PHLDB2: variants seen among roughly 807,000 people sequenced by gnomAD.
The protein encoded by PHLDB2 is pleckstrin homology like domain family B member 2.
In PHLDB2, 71 loss-of-function variants were observed where a neutral mutation model predicts 123.6. That is an observed-to-expected ratio of 0.57 (90% CI 0.47 to 0.70). PHLDB2 has a LOEUF of 0.70. Ranked by LOEUF, PHLDB2 falls within the 30% of genes least tolerant of loss-of-function variation. The pLI, the probability that PHLDB2 is intolerant of heterozygous loss-of-function variation, is 0.00. For synonymous variants in PHLDB2, 547 were observed against 541.6 expected (o/e 1.01, Z -0.14); for missense variants, 1,446 against 1,519.5 (o/e 0.95, Z 0.80).
intron 2 of PHLDB2, among the ~76,000 whole-genome samples, chr3:111,903,462 G>A (rs2067316958): frequency 6.6e-6 from 1 of 152,200 alleles, no homozygotes; most frequent in Admixed American, 6.5e-5. Flanking sequence ...CCACAGGGCA[G>A]GGAGTTGGTG....
Position 111,752,702 on chromosome 3 carries a change from G to C in PHLDB2, c.-49+19999G>C, listed in dbSNP as rs113871635. 9.6e-3 allele frequency among the ~76,000 whole-genome samples: 1,459 copies of C among 151,420 alleles called. 15 individuals are homozygous for C. Among genetic ancestry groups the C allele is most frequent in the African/African-American group, 0.032 (1,336 of 41,224 alleles). On this transcript the variant is annotated intron_variant, in intron 1 of 17. Coordinates refer to the PHLDB2 transcript ENST00000393923. Reference sequence around the variant, plus strand: ...TAGGGTACATGTGCACAATGTGCAGGTTAGTTACATATGTATACATGCGCC... The same window carrying C: ...TAGGGTACATGTGCACAATGTGCAGCTTAGTTACATATGTATACATGCGCC...
intron 2 of PHLDB2, among the ~76,000 whole-genome samples, chr3:111,892,546 G>A (rs988247524): frequency 6.6e-6 from 1 of 152,124 alleles, no homozygotes; most frequent in East Asian, 1.9e-4. Flanking sequence ...CAGATGATAA[G>A]CATTTAGTTC....
intron 12 of PHLDB2, among the ~76,000 whole-genome samples, chr3:111,960,790 G>A (rs1261273305): frequency 1.3e-5 from 2 of 152,168 alleles, no homozygotes; most frequent in African/African-American, 4.8e-5. Flanking sequence ...GAAACTATTC[G>A]AGTAGACATT....
At chr3:111,772,580 T>C (rs1388378136) in intron 1 of PHLDB2, among the ~76,000 whole-genome samples, 1 of 152,238 alleles carries the variant, frequency 6.6e-6, no homozygotes, top group Non-Finnish European at 1.5e-5. Context: ...CTGGCTAGAT[T>C]CTGGGAATAA....
chr3:111,830,662 A>G (rs1433991536), intron 1 of PHLDB2, among the ~76,000 whole-genome samples: 1 of 148,116 alleles, frequency 6.8e-6, no homozygotes, highest in African/African-American at 2.5e-5. Flanking sequence ...ACAAAAAATT[A>G]GCCGGGCGTA....
At chr3:111,772,845 T>G (rs535117376) in intron 1 of PHLDB2, among the ~76,000 whole-genome samples, 3 of 152,166 alleles carry the variant, frequency 2.0e-5, no homozygotes, top group Non-Finnish European at 4.4e-5. Flanking sequence ...ACACTTTTTT[T>G]AACAGGCCCC....
At chr3:111,872,926 T>C (rs905988660) in intron 1 of PHLDB2, among the ~76,000 whole-genome samples, 2 of 152,238 alleles carry the variant, frequency 1.3e-5, no homozygotes, top group Non-Finnish European at 2.9e-5. Flanking sequence ...TCCATATTTG[T>C]ACCTGATGGT....
intron 2 of PHLDB2, among the ~76,000 whole-genome samples, chr3:111,889,214 A>G (rs1404025910): frequency 2.0e-5 from 3 of 152,218 alleles, no homozygotes; most frequent in African/African-American, 7.2e-5. Flanking sequence ...AAAAAATGAG[A>G]TTATACTTGT....
Position 111,945,316 on chromosome 3 carries a change from G to T in PHLDB2, c.2446G>T (p.Gly816Trp), listed in dbSNP as rs144826196. ...GGAAAAGAAATACTCCAGCCTCTCT[G>T]GGGGGAAAGGGTTTCCCGTTAACCC... ...NLEKKYSSLS[G>W]GKGFPVNPNT... Residue 816 changes from glycine to tryptophan, a missense_variant, in exon 9 of 18, where the codon GGG (glycine) becomes TGG (tryptophan). Coordinates refer to ENST00000431670, the MANE Select transcript of PHLDB2 (RefSeq NM_001134438.2). 226 of 1,610,152 alleles carry T rather than the reference G, an allele frequency of 1.4e-4. No homozygotes were observed. The African/African-American group carries it at 2.8e-3, about 20-fold the overall frequency.
chr3:111,811,989 G>A (rs1479937947), intron 1 of PHLDB2, among the ~76,000 whole-genome samples: 1 of 152,142 alleles, frequency 6.6e-6, no homozygotes, highest in African/African-American at 2.4e-5. Flanking sequence ...TGCTTGGAAT[G>A]TTCCTTCATC....
In PHLDB2 at chr3:111,889,190, A is replaced by C. The variant is rs754027099; in HGVS notation, c.1335+3778A>C. ...TAAACTAATCTCTTCATCATAAAAC[A>C]TTCAAGTTTTTTTAAAAAATGAGAT... On this transcript the variant is annotated intron_variant, in intron 2 of 17. Transcript: ENST00000431670. Among the ~76,000 whole-genome samples the C allele has an allele frequency of 6.8e-4, 104 of 152,200 alleles. 3 individuals are homozygous for C. The highest frequency in any genetic ancestry group is 1.6e-4 in the Non-Finnish European group (11 of 68,032).
intron 1 of PHLDB2, among the ~76,000 whole-genome samples, chr3:111,864,908 T>C (rs2064995145): frequency 6.6e-6 from 1 of 152,252 alleles, no homozygotes; most frequent in Non-Finnish European, 1.5e-5. Context: ...CATCTTAGAA[T>C]GTTTTGTTTG....
Position 111,976,039 on chromosome 3 carries a change from G to C in PHLDB2, c.*1476G>C, listed in dbSNP as rs928146474. ...ATTGTGGAAGATATTTTTAAAATCT[G>C]ATTTTGCAGCGATCACTTTTAAACC... On this transcript the variant is annotated 3_prime_UTR_variant, in exon 18 of 18. Coordinates refer to ENST00000431670, the MANE Select transcript of PHLDB2 (RefSeq NM_001134438.2). 2 of 152,630 alleles carry C rather than the reference G, an allele frequency of 1.3e-5. No individual in the cohort carries two copies. The allele number at this position is 152,630 out of a possible 1,614,324, so 9.5% of individuals were successfully genotyped here.
intron 1 of PHLDB2, among the ~76,000 whole-genome samples, chr3:111,874,657 CAT>C (rs2108727745): frequency 6.6e-6 from 1 of 152,252 alleles, no homozygotes; most frequent in South Asian, 2.1e-4. Flanking sequence ...TACTTTCTCT[CAT>C]ATTTCATTGA....
At chr3:111,866,143 C>T (rs55954252) in intron 1 of PHLDB2, among the ~76,000 whole-genome samples, 15,830 of 150,500 alleles carry the variant, frequency 0.11, 1,038 homozygotes, top group Non-Finnish European at 0.14. Context: ...CTCAGCCTCC[C>T]GAGTAGCTGG....
In PHLDB2 at chr3:111,826,676, G is replaced by C. The variant is rs150525852; in HGVS notation, c.-48-19145G>C. Among the ~76,000 whole-genome samples the C allele has an allele frequency of 3.5e-3, 530 of 152,246 alleles. 3 individuals carry two copies. The highest frequency in any genetic ancestry group is 0.012 in the African/African-American group (499 of 41,542). Reference sequence around the variant, plus strand: ...ATCCTTAATACCCAACAGTAATGCCGCAGTTTTGCTCCACGGCCAGGGTAG... The same window carrying C: ...ATCCTTAATACCCAACAGTAATGCCCCAGTTTTGCTCCACGGCCAGGGTAG... On this transcript the variant is annotated intron_variant, in intron 1 of 17. Coordinates refer to the PHLDB2 transcript ENST00000393923.
At chr3:111,881,006 T>G (rs2065903382) in intron 1 of PHLDB2, among the ~76,000 whole-genome samples, 1 of 152,228 alleles carries the variant, frequency 6.6e-6, no homozygotes, top group South Asian at 2.1e-4. Flanking sequence ...TGTAATGATT[T>G]TGCCTTTTCT....
At chr3:111,885,918 A>G (rs2066136974) in intron 2 of PHLDB2, 3 of 349,174 alleles carry the variant, frequency 8.6e-6, no homozygotes, top group Admixed American at 8.9e-5. Flanking sequence ...CACTGTTCAT[A>G]CACAACCTTA....
chr3:111,954,666 T>C (rs556952595), intron 12 of PHLDB2, among the ~76,000 whole-genome samples: 2 of 152,352 alleles, frequency 1.3e-5, no homozygotes, highest in East Asian at 3.9e-4. Context: ...AGGATTAGAT[T>C]TCTTGTGTTA....
Sources: gnomAD v4.1 joint callset for allele counts (sites outside exome capture counted in the v4.1 genomes callset) on GRCh38, gnomAD v4.1.1 for gene constraint, MANE v1.5 for transcripts, NCBI Gene and HGNC (gene_info 2026-07-23, HGNC 2026-07-21) for gene names.